STAB1: variants seen among roughly 807,000 people sequenced by gnomAD.
STAB1 encodes the protein stabilin-1.
In STAB1, 250 loss-of-function variants were observed where a neutral mutation model predicts 332.4. The observed-to-expected ratio is 0.75, with a 90% confidence interval of 0.68 to 0.84. The LOEUF (loss-of-function observed/expected upper bound fraction) is 0.84, where lower values mean the gene tolerates loss of function less well. Among genes scored for constraint, STAB1 ranks in the 40% least tolerant of loss-of-function variants. The pLI, the probability that STAB1 is intolerant of heterozygous loss-of-function variation, is 0.00. For missense variants in STAB1, 3,249 were observed against 3,489.7 expected (o/e 0.93, Z 1.74); for synonymous variants, 1,475 against 1,390.4 (o/e 1.06, Z -1.35).
At position 52,509,202 on chromosome 3, in the gene STAB1, C is replaced by T. The variant is rs1709107487; in HGVS notation, c.2236-8C>T. The T allele has an allele frequency of 3.1e-6, 5 of 1,612,572 alleles. No individual in the cohort carries two copies. The East Asian group carries it at 6.7e-5, about 22-fold the overall frequency. Reference sequence around the variant, plus strand: ...CATGACTGATCCTGCCTTCTGCTCACTCTCTAGTGCAGTGATGGGATCCAG... The same window carrying T: ...CATGACTGATCCTGCCTTCTGCTCATTCTCTAGTGCAGTGATGGGATCCAG... On this transcript the variant is annotated splice_region_variant and splice_polypyrimidine_tract_variant and intron_variant, in intron 21 of 68. Transcript: ENST00000321725.
At chr3:52,519,766 C>G (rs1421092346) in intron 50 of STAB1, 178 bp from the exon 51 acceptor site, 1 of 1,127,732 alleles carries the variant, frequency 8.9e-7, no homozygotes, top group East Asian at 2.6e-5. Flanking sequence ...TGTGTGCCCA[C>G]ATTCCTGACA....
chr3:52,514,599 C>G, intron 34 of STAB1, 102 bp from the exon 35 acceptor site: 1 of 1,576,302 alleles, frequency 6.3e-7, no homozygotes, highest in Non-Finnish European at 8.6e-7. Context: ...CCTCTAACCT[C>G]TGCTCCAGGG....
At chr3:52,521,785 G>T in intron 57 of STAB1, 59 bp from the exon 58 acceptor site, 1 of 1,599,088 alleles carries the variant, frequency 6.3e-7, no homozygotes, top group East Asian at 2.2e-5. Flanking sequence ...GGGTGGAACG[G>T]GCAGAGGCCA....
At chr3:52,514,861 C>T (rs1416294697) in intron 35 of STAB1, 32 bp downstream of exon 35, 3 of 1,612,792 alleles carry the variant, frequency 1.9e-6, no homozygotes, top group East Asian at 2.2e-5. Context: ...AAGGCCGGCA[C>T]GGGAGTTCAG....
At position 52,522,592 on chromosome 3, in the gene STAB1, C is replaced by G; in HGVS notation, c.6648C>G (p.Ser2216Arg). ...RAGVFHLQAT[S>R]GPYGLNFSEA... The stretch of plus-strand genomic sequence containing the variant: ...GCGTTTTCCACCTCCAGGCCACCAG[C>G]GGCCCTTATGGTCTGAACTTTTCGG... Residue 2216 changes from serine to arginine, a missense_variant, in exon 61 of 69, where the codon AGC becomes AGG. By Grantham distance (110) the Ser-to-Arg change is moderately radical (BLOSUM62 -1). Coordinates refer to ENST00000321725, the MANE Select transcript of STAB1 (RefSeq NM_015136.3). 1 of 1,613,060 alleles carries G rather than the reference C, an allele frequency of 6.2e-7. No individual in the cohort carries two copies. The highest frequency in any genetic ancestry group is 8.5e-7 in the Non-Finnish European group (1 of 1,180,042).
intron 40 of STAB1, 30 bp downstream of exon 40, chr3:52,516,617 T>A (rs1422037176): frequency 8.1e-6 from 13 of 1,612,304 alleles, no homozygotes; most frequent in Non-Finnish European, 1.1e-5. Flanking sequence ...GGCGGGTGGG[T>A]GAGTGGCGGG....
chr3:52,519,162 G>A lies in STAB1; in HGVS notation c.5035-102G>A, dbSNP rs563300066. On this transcript the variant is annotated intron_variant, in intron 48 of 68. Coordinates refer to ENST00000321725, the MANE Select transcript of STAB1 (RefSeq NM_015136.3). ...TGGTCCCGAAGAACCGGGACTGCCT[G>A]CACCCTGACTTGCCCAACCCAGGTT... 3.4e-6 allele frequency: 5 copies of A among 1,478,990 alleles called. No homozygotes were observed. In the Admixed American group the frequency reaches 7.4e-5, roughly 22 times the overall value. 91.6% of individuals were successfully genotyped at this position (1,478,990 alleles called of 1,614,324 possible).
intron 3 of STAB1, 122 bp from the exon 4 acceptor site, chr3:52,501,884 G>A: frequency 7.0e-7 from 1 of 1,419,428 alleles, no homozygotes; most frequent in Non-Finnish European, 9.7e-7. Context: ...CGCCTCCAAG[G>A]CTCGGCCCCC....
intron 30 of STAB1, 126 bp downstream of exon 30, chr3:52,513,367 A>G: frequency 3.3e-6 from 3 of 919,890 alleles, no homozygotes; most frequent in Non-Finnish European, 4.9e-6. Context: ...CCCTGCCCAG[A>G]GCCGGGCTCA....
At chr3:52,503,697 C>T (rs1401215629) in intron 8 of STAB1, 75 bp from the exon 9 acceptor site, 18 of 1,597,020 alleles carry the variant, frequency 1.1e-5, no homozygotes. Flanking sequence ...CTGAGCAGGG[C>T]TCTATGGGTA....
chr3:52,511,067 A>C (rs1344938698), intron 25 of STAB1, among the ~76,000 whole-genome samples: 1 of 152,256 alleles, frequency 6.6e-6, no homozygotes, highest in Non-Finnish European at 1.5e-5. Flanking sequence ...GGGCCTTAGC[A>C]GTAAGAACTG....
At chr3:52,499,513 G>T (rs1708275680) in intron 1 of STAB1, among the ~76,000 whole-genome samples, 1 of 152,118 alleles carries the variant, frequency 6.6e-6, no homozygotes, top group Admixed American at 6.5e-5. Flanking sequence ...CCCTGCCTTG[G>T]CCCAGGCCAC....
chr3:52,520,015 C>A lies in STAB1; in HGVS notation c.5307C>A (p.Ala1769=), dbSNP rs145377358. 6.2e-7 allele frequency: 1 copy of A among 1,612,412 alleles called. No individual in the cohort carries two copies. Among genetic ancestry groups the A allele is most frequent in the East Asian group, 2.2e-5 (1 of 44,872 alleles). The change falls in exon 51 of 69, where the codon GCC becomes GCA. Residue 1769 remains alanine (A), a synonymous_variant. Coordinates refer to ENST00000321725, the MANE Select transcript of STAB1 (RefSeq NM_015136.3). Reference sequence around the variant, plus strand: ...TCACAATGCTGTGGCCCACAGACGCCGCCTTTCGAGCTCTGCCTCCGGATC... The same window carrying A: ...TCACAATGCTGTGGCCCACAGACGCAGCCTTTCGAGCTCTGCCTCCGGATC... ...RPFTMLWPTD[A]AFRALPPDRQ... is the part of the protein sequence containing the mutation.
Position 52,507,913 on chromosome 3 carries a change from T to G in STAB1, c.2053-18T>G. 6.2e-7 allele frequency: 1 copy of G among 1,610,266 alleles called. No homozygotes were observed. The stretch of plus-strand genomic sequence containing the variant: ...CAGAACCCACACCCACTGACTGGCT[T>G]TGCATGGCCCACCCTAGGACATCTT... On this transcript the variant is annotated intron_variant, in intron 19 of 68. Coordinates refer to ENST00000321725, the MANE Select transcript of STAB1 (RefSeq NM_015136.3).
At position 52,518,377 on chromosome 3, in the gene STAB1, G is replaced by A. The variant is rs375174387; in HGVS notation, c.4809+18G>A. On this transcript the variant is annotated intron_variant, in intron 46 of 68. Transcript: ENST00000321725. ...GCCTCCTGGTGAGTGGCCAGCTTGG[G>A]CCTCTGTGACCTGCAAGTCCCACCC... 6.2e-7 allele frequency: 1 copy of A among 1,610,654 alleles called. No homozygotes were observed. The highest frequency in any genetic ancestry group is 8.5e-7 in the Non-Finnish European group (1 of 1,179,234).
Position 52,505,387 on chromosome 3 carries a change from C to T in STAB1, c.1581+6C>T. Reference sequence around the variant, plus strand: ...GCTTTGAAACCATCCTGGAGGTAAGCTCGGGGGAGGGGTCCTAGCCCATGT... The same window carrying T: ...GCTTTGAAACCATCCTGGAGGTAAGTTCGGGGGAGGGGTCCTAGCCCATGT... On this transcript the variant is annotated splice_donor_region_variant and intron_variant, in intron 14 of 68. Transcript: ENST00000321725. 2 of 1,612,828 alleles carry T rather than the reference C, an allele frequency of 1.2e-6. No individual in the cohort carries two copies. The highest frequency in any genetic ancestry group is 1.7e-6 in the Non-Finnish European group (2 of 1,179,534).
Position 52,506,689 on chromosome 3 carries a change from C to T in STAB1, c.1831-3C>T, listed in dbSNP as rs1708896046. On this transcript the variant is annotated splice_polypyrimidine_tract_variant and splice_region_variant and intron_variant, in intron 17 of 68. Transcript: ENST00000321725. Reference sequence around the variant, plus strand: ...GGGTTGGCTCAGTGGGTCTCTGCCGCAGGGGCGCATCCTGCTGGGACCCGA... The same window carrying T: ...GGGTTGGCTCAGTGGGTCTCTGCCGTAGGGGCGCATCCTGCTGGGACCCGA... 1 of 1,607,124 alleles carries T rather than the reference C, an allele frequency of 6.2e-7. No homozygotes were observed. The highest frequency in any genetic ancestry group is 1.7e-4 in the Middle Eastern group (1 of 5,786).
chr3:52,505,146 G>A lies in STAB1; in HGVS notation c.1518+3G>A, dbSNP rs373711819. The A allele has an allele frequency of 6.2e-7, 1 of 1,612,556 alleles. No homozygotes were observed. Among genetic ancestry groups the A allele is most frequent in the Non-Finnish European group, 8.5e-7 (1 of 1,179,732 alleles). On this transcript the variant is annotated splice_donor_region_variant and intron_variant, in intron 13 of 68. Coordinates refer to ENST00000321725, the MANE Select transcript of STAB1 (RefSeq NM_015136.3). ...CTGGGACCCCTGGGGATCCCAAGGTGAGCCAGCATCCTCCCCTCCCCTCCC... is the reference window on the plus strand; with the variant it reads ...CTGGGACCCCTGGGGATCCCAAGGTAAGCCAGCATCCTCCCCTCCCCTCCC...
At chr3:52,515,086 GC>G in intron 36 of STAB1, 41 bp downstream of exon 36, 2 of 1,606,788 alleles carry the variant, frequency 1.2e-6, no homozygotes, top group South Asian at 2.2e-5. Flanking sequence ...TGTGTTGCCT[GC>G]CCTCACTTCT....
Sources: allele counts gnomAD v4.1 joint callset (sites outside exome capture counted in the v4.1 genomes callset), GRCh38; gene constraint gnomAD v4.1.1; transcripts MANE v1.5; gene names NCBI Gene and HGNC (gene_info 2026-07-23, HGNC 2026-07-21).